Variants in TULP4 observed in about 807,000 individuals in gnomAD.
The protein encoded by TULP4 is TUB like protein 4.
In TULP4, 16 loss-of-function variants were observed where a neutral mutation model predicts 129.0. That is an observed-to-expected ratio of 0.12 (90% CI 0.08 to 0.19). TULP4 has a LOEUF of 0.19. Among genes scored for constraint, TULP4 ranks in the 10% least tolerant of loss-of-function variants. The pLI is 1.00. For missense variants in TULP4, 1,842 were observed against 2,059.1 expected (o/e 0.89, Z 2.04); for synonymous variants, 998 against 854.0 (o/e 1.17, Z -2.94).
intron 1 of TULP4, among the ~76,000 whole-genome samples, chr6:158,395,582 A>G (rs994270820): frequency 2.9e-5 from 4 of 138,040 alleles, no homozygotes; most frequent in African/African-American, 1.1e-4. Flanking sequence ...ACTCTGTCTA[A>G]AAAAAAAAAA....
At chr6:158,282,841 T>C (rs958187081) in intron 1 of TULP4, 2 of 152,114 alleles carry the variant, frequency 1.3e-5, no homozygotes, top group Non-Finnish European at 2.9e-5. Context: ...CAGAACGTTA[T>C]ATTATATGAA....
At chr6:158,332,606 A>T (rs985424341) in intron 1 of TULP4, among the ~76,000 whole-genome samples, 19 of 152,158 alleles carry the variant, frequency 1.2e-4, no homozygotes, top group Non-Finnish European at 2.2e-4. Context: ...GAGTATGGAC[A>T]AGTGGCAGGA....
chr6:158,292,768 G>T (rs745695401), intron 1 of TULP4, among the ~76,000 whole-genome samples: 7 of 152,160 alleles, frequency 4.6e-5, no homozygotes, highest in Non-Finnish European at 7.3e-5. Context: ...TTTGCACAGT[G>T]TAAGATTATT....
At chr6:158,385,984 A>G (rs1468522148) in intron 1 of TULP4, among the ~76,000 whole-genome samples, 1 of 151,536 alleles carries the variant, frequency 6.6e-6, no homozygotes, top group Non-Finnish European at 1.5e-5. Flanking sequence ...AACTGGGACT[A>G]CAAGTGTGCA....
chr6:158,411,417 C>G (rs938573446), intron 1 of TULP4, among the ~76,000 whole-genome samples: 3 of 152,114 alleles, frequency 2.0e-5, no homozygotes, highest in Non-Finnish European at 4.4e-5. Context: ...AGAGAGGATT[C>G]CGCTAGATGG....
At chr6:158,291,597 A>G (rs1778941688) in intron 1 of TULP4, among the ~76,000 whole-genome samples, 1 of 151,758 alleles carries the variant, frequency 6.6e-6, no homozygotes, top group South Asian at 2.1e-4. Context: ...GTTTTGGCAA[A>G]TTCTCAGTTG....
chr6:158,307,481 T>TTTTTG (rs1283821664), upstream of TULP4, among the ~76,000 whole-genome samples: 2 of 152,206 alleles, frequency 1.3e-5, no homozygotes, highest in Admixed American at 6.5e-5. Flanking sequence ...CTTTGCACTT[T>TTTTTG]TTTTGTTTTG....
At chr6:158,432,872 C>G (rs1181667007) in intron 3 of TULP4, among the ~76,000 whole-genome samples, 1 of 152,274 alleles carries the variant, frequency 6.6e-6, no homozygotes, top group African/African-American at 2.4e-5. Context: ...TTTTGTAGTT[C>G]TTGTTTTTGA....
chr6:158,274,725 C>T (rs906043488), intron 1 of TULP4, among the ~76,000 whole-genome samples: 8 of 152,208 alleles, frequency 5.3e-5, no homozygotes, highest in South Asian at 4.1e-4. Context: ...TGCAGTGAGC[C>T]GAGATTGCGC....
At chr6:158,456,790 C>T (rs531562460) in intron 5 of TULP4, among the ~76,000 whole-genome samples, 96 of 150,158 alleles carry the variant, frequency 6.4e-4, no homozygotes, top group African/African-American at 2.1e-3. Context: ...GCTGAGATCA[C>T]GCCACTGCAC....
chr6:158,364,838 G>A (rs1212685380), intron 1 of TULP4, among the ~76,000 whole-genome samples: 1 of 152,060 alleles, frequency 6.6e-6, no homozygotes, highest in East Asian at 1.9e-4. Context: ...CCAGGTTGAC[G>A]CCATTCTCCT....
At chr6:158,272,097 A>G (rs1015899539) in intron 1 of TULP4, among the ~76,000 whole-genome samples, 25 of 152,320 alleles carry the variant, frequency 1.6e-4, no homozygotes, top group African/African-American at 4.8e-4. Context: ...ACTGTCACCA[A>G]GTCAGATGTG....
In TULP4 at chr6:158,348,037, A is replaced by T. The variant is rs567106003; in HGVS notation, c.252+33769A>T. ...CATTTATGTTTTAGAGAAAATACTT[A>T]GAGTCCCTTTCCTTGCTGAGATTCT... On this transcript the variant is annotated intron_variant, in intron 1 of 13. Coordinates refer to ENST00000367097, the MANE Select transcript of TULP4 (RefSeq NM_020245.5). Among the ~76,000 whole-genome samples, 3 of 152,020 alleles carry T rather than the reference A, an allele frequency of 2.0e-5. No homozygotes were observed. The East Asian group carries it at 5.8e-4, about 29-fold the overall frequency.
At chr6:158,261,065 C>T (rs575374225) in intron 1 of TULP4, among the ~76,000 whole-genome samples, 6 of 152,078 alleles carry the variant, frequency 3.9e-5, no homozygotes, top group South Asian at 4.2e-4. Flanking sequence ...GTGATCCGCC[C>T]GCTTCAGCAT....
intron 1 of TULP4, among the ~76,000 whole-genome samples, chr6:158,270,777 C>G (rs868709794): frequency 2.6e-5 from 4 of 152,230 alleles, no homozygotes; most frequent in African/African-American, 9.6e-5. Flanking sequence ...TTACTCCAGG[C>G]TTCCTTGTGC....
At chr6:158,355,273 T>TG (rs1200011388) in intron 1 of TULP4, among the ~76,000 whole-genome samples, 1 of 151,764 alleles carries the variant, frequency 6.6e-6, no homozygotes, top group Admixed American at 6.6e-5. Flanking sequence ...TTTGTAGAGG[T>TG]GGGGGTCTTG....
At chr6:158,406,305 T>G (rs1052268308) in intron 1 of TULP4, among the ~76,000 whole-genome samples, 11 of 152,190 alleles carry the variant, frequency 7.2e-5, no homozygotes, top group Admixed American at 3.9e-4. Flanking sequence ...TAAACAGATG[T>G]CTGTTTTAGC....
chr6:158,284,063 C>T (rs1350252481), intron 1 of TULP4, among the ~76,000 whole-genome samples: 2 of 152,084 alleles, frequency 1.3e-5, no homozygotes, highest in Non-Finnish European at 2.9e-5. Context: ...CAGCAAACAT[C>T]CGTTAAAAGT....
At chr6:158,342,477 A>G (rs1326105154) in intron 1 of TULP4, among the ~76,000 whole-genome samples, 1 of 152,222 alleles carries the variant, frequency 6.6e-6, no homozygotes, top group African/African-American at 2.4e-5. Context: ...CTCTGGAAGG[A>G]AAAATAGTTC....
Sources: allele counts gnomAD v4.1 joint callset (sites outside exome capture counted in the v4.1 genomes callset), GRCh38; gene constraint gnomAD v4.1.1; transcripts MANE v1.5; gene names NCBI Gene and HGNC (gene_info 2026-07-23, HGNC 2026-07-21).